The following RAPGEF2 variants were observed in gnomAD, a reference collection of about 807,000 sequenced individuals.
The protein encoded by RAPGEF2 is Rap guanine nucleotide exchange factor 2.
A neutral mutation model predicts 186.7 loss-of-function variants in RAPGEF2; 54 were observed. The ratio of observed to expected loss-of-function variants is 0.29; its 90% CI spans 0.23 to 0.36. RAPGEF2 has a LOEUF of 0.36. RAPGEF2 is among the 10% of genes least tolerant of loss of function. The pLI, the probability that RAPGEF2 is intolerant of heterozygous loss-of-function variation, is 1.00. For missense variants in RAPGEF2, 1,532 were observed against 2,045.0 expected, an observed-to-expected ratio of 0.75 and a Z score of 4.84; for synonymous variants, 712 against 705.9, an observed-to-expected ratio of 1.01 and a Z score of -0.14.
At chr4:159,313,795 A>C (rs1329889124) in intron 8 of RAPGEF2, among the ~76,000 whole-genome samples, 1 of 152,220 alleles carries the variant, frequency 6.6e-6, no homozygotes, top group Non-Finnish European at 1.5e-5. Context: ...TATAATGTCA[A>C]ATAAGATCTG....
At chr4:159,275,145 T>G (rs1758687133) in intron 7 of RAPGEF2, among the ~76,000 whole-genome samples, 1 of 151,900 alleles carries the variant, frequency 6.6e-6, no homozygotes, top group Non-Finnish European at 1.5e-5. Context: ...ACATCATATC[T>G]TTATAACTTA....
At chr4:159,180,169 C>G (rs761910841) in intron 1 of RAPGEF2, among the ~76,000 whole-genome samples, 1 of 152,124 alleles carries the variant, frequency 6.6e-6, no homozygotes, top group South Asian at 2.1e-4. Flanking sequence ...GTTGTTTATG[C>G]GATCTGTGGT....
intron 4 of RAPGEF2, among the ~76,000 whole-genome samples, chr4:159,234,062 T>TA (rs1280943132): frequency 6.6e-6 from 1 of 152,056 alleles, no homozygotes; most frequent in African/African-American, 2.4e-5. Flanking sequence ...CTAATTTTGA[T>TA]AGAGGGTATG....
At chr4:159,288,690 C>T (rs1009695010) in intron 7 of RAPGEF2, among the ~76,000 whole-genome samples, 1 of 152,190 alleles carries the variant, frequency 6.6e-6, no homozygotes, top group Non-Finnish European at 1.5e-5. Flanking sequence ...CTCAGCCTTT[C>T]TCACGCCTTA....
intron 11 of RAPGEF2, chr4:159,328,536 A>G (rs1766242496): frequency 6.6e-6 from 1 of 152,226 alleles, no homozygotes; most frequent in Non-Finnish European, 1.5e-5. Context: ...CCTCTTATGA[A>G]CTGCTGCTTC....
rs1027399066 is a variant in RAPGEF2, at chr4:159,360,122, A to G, written c.*1983A>G. The stretch of plus-strand genomic sequence containing the variant: ...TATGCTTCTACATCCAGTTTGTACA[A>G]GCTGGAAAATAAATAAATATAACAT... On this transcript the variant is annotated 3_prime_UTR_variant, in exon 30 of 30. Transcript: ENST00000691494. 2.6e-5 allele frequency: 4 copies of G among 152,222 alleles called. No homozygotes were observed. Among genetic ancestry groups the G allele is most frequent in the Non-Finnish European group, 5.9e-5 (4 of 68,042 alleles). The allele number at this position is 152,222 out of a possible 1,614,324, so 9.4% of individuals were successfully genotyped here. A position where few individuals can be genotyped will look rare whatever the true frequency, so the allele number is the denominator to read the frequency against.
intron 7 of RAPGEF2, among the ~76,000 whole-genome samples, chr4:159,247,357 G>T (rs1237602909): frequency 6.6e-6 from 1 of 152,134 alleles, no homozygotes; most frequent in African/African-American, 2.4e-5. Flanking sequence ...CACACCCAGG[G>T]CCCCTACAGG....
chr4:159,140,766 C>A (rs1280620652), intron 1 of RAPGEF2, among the ~76,000 whole-genome samples: 1 of 151,346 alleles, frequency 6.6e-6, no homozygotes, highest in African/African-American at 2.4e-5. Context: ...TTTAATGTTT[C>A]ATGAAAGATC....
intron 1 of RAPGEF2, among the ~76,000 whole-genome samples, chr4:159,138,720 A>T (rs538739925): frequency 6.6e-6 from 1 of 152,338 alleles, no homozygotes; most frequent in Non-Finnish European, 1.5e-5. Context: ...AGTTTGGGTG[A>T]TTGAAAGAAT....
At chr4:159,223,040 G>T (rs1213720822) in intron 4 of RAPGEF2, among the ~76,000 whole-genome samples, 1 of 151,860 alleles carries the variant, frequency 6.6e-6, no homozygotes, top group African/African-American at 2.4e-5. Context: ...GACAGTACTC[G>T]TTGAAATAAT....
At chr4:159,171,247 C>T (rs1163297539) in intron 1 of RAPGEF2, among the ~76,000 whole-genome samples, 2 of 152,238 alleles carry the variant, frequency 1.3e-5, no homozygotes. Flanking sequence ...AGGCACTCCT[C>T]TCCGTTTGAT....
intron 1 of RAPGEF2, among the ~76,000 whole-genome samples, chr4:159,152,490 C>T (rs1743661329): frequency 6.6e-6 from 1 of 152,096 alleles, no homozygotes; most frequent in Non-Finnish European, 1.5e-5. Flanking sequence ...TTGGTATGTC[C>T]ATGTGGCTAT....
chr4:159,301,970 ACT>A (rs1762726081), intron 7 of RAPGEF2, among the ~76,000 whole-genome samples: 2 of 152,180 alleles, frequency 1.3e-5, no homozygotes, highest in Admixed American at 1.3e-4. Context: ...TTATCTTGAT[ACT>A]CTCTGCCACT....
At position 159,138,293 on chromosome 4, in the gene RAPGEF2, T is replaced by G. The variant is rs146462392; in HGVS notation, c.69+34062T>G. Among the ~76,000 whole-genome samples, 790 of 152,334 alleles carry G rather than the reference T, an allele frequency of 5.2e-3. 1 individual carries two copies. Among genetic ancestry groups the G allele is most frequent in the Non-Finnish European group, 7.9e-3 (537 of 68,012 alleles). On this transcript the variant is annotated intron_variant, in intron 1 of 29. Transcript: ENST00000691494. ...CCTAAAACATCTAAAAGCACTGATATAGACTATTTTTCCTTTTTGATAGAA... is the reference window on the plus strand; with the variant it reads ...CCTAAAACATCTAAAAGCACTGATAGAGACTATTTTTCCTTTTTGATAGAA...
chr4:159,166,714 A>G (rs1282065459), intron 1 of RAPGEF2, among the ~76,000 whole-genome samples: 1 of 152,154 alleles, frequency 6.6e-6, no homozygotes, highest in African/African-American at 2.4e-5. Context: ...TTACTCAGGT[A>G]TTTCATATAT....
chr4:159,188,323 C>G (rs531723742), intron 2 of RAPGEF2, among the ~76,000 whole-genome samples: 1 of 151,882 alleles, frequency 6.6e-6, no homozygotes, highest in Non-Finnish European at 1.5e-5. Context: ...GAATTCTATG[C>G]AATAGAAAAA....
At chr4:159,209,033 G>C (rs1750242997) in intron 3 of RAPGEF2, among the ~76,000 whole-genome samples, 1 of 152,034 alleles carries the variant, frequency 6.6e-6, no homozygotes. Flanking sequence ...CGGGATTATA[G>C]GCGTGAGCCA....
rs556979217 is a variant in RAPGEF2, at chr4:159,288,763, T to C, written c.544-15579T>C. ...TGAGTGCATGTTTTCTCCCTCAACA[T>C]TCTCACTCTTTACCTTCCAGTCACC... On this transcript the variant is annotated intron_variant, in intron 7 of 29. Transcript: ENST00000691494. 2.0e-5 allele frequency among the ~76,000 whole-genome samples: 3 copies of C among 152,296 alleles called. No individual in the cohort carries two copies. In the South Asian group the frequency reaches 6.2e-4, roughly 32 times the overall value.
At chr4:159,135,271 T>G (rs1224202729) in intron 1 of RAPGEF2, among the ~76,000 whole-genome samples, 1 of 152,118 alleles carries the variant, frequency 6.6e-6, no homozygotes, top group South Asian at 2.1e-4. Context: ...GTCTCGAACT[T>G]CTGGGCTCAA....
Sources: gnomAD v4.1 joint callset for allele counts (sites outside exome capture counted in the v4.1 genomes callset) on GRCh38, gnomAD v4.1.1 for gene constraint, MANE v1.5 for transcripts, NCBI Gene and HGNC (gene_info 2026-07-23, HGNC 2026-07-21) for gene names.